Variants in ANKRD44 observed in about 807,000 individuals in gnomAD.
ANKRD44 encodes the protein serine/threonine-protein phosphatase 6 regulatory ankyrin repeat subunit B.
Under a neutral mutation model 116.0 loss-of-function variants are expected in ANKRD44, and 35 were observed. That is an observed-to-expected ratio of 0.30 (90% CI 0.23 to 0.40). The LOEUF is 0.40. Among genes scored for constraint, ANKRD44 ranks in the 10% least tolerant of loss-of-function variants. ANKRD44 has a pLI of 1.00. For missense variants in ANKRD44, 1,014 were observed against 1,242.6 expected, an observed-to-expected ratio of 0.82 and a Z score of 2.77; for synonymous variants, 435 against 461.8, an observed-to-expected ratio of 0.94 and a Z score of 0.74.
intron 16 of ANKRD44, among the ~76,000 whole-genome samples, chr2:197,030,449 T>C (rs955207033): frequency 5.3e-5 from 8 of 152,052 alleles, no homozygotes; most frequent in Admixed American, 4.6e-4. Flanking sequence ...ACATTCATTT[T>C]TTTGGCCGTG....
chr2:196,990,496 T>A, intron 27 of ANKRD44: 1 of 1,225,556 alleles, frequency 8.2e-7, no homozygotes, highest in Non-Finnish European at 1.0e-6. Context: ...AAAACAAAAC[T>A]GGGGCCATCT....
rs114066617 is a variant in ANKRD44 at position 197,300,276 on chromosome 2, C to G, written c.27+10302G>C. Among the ~76,000 whole-genome samples, 1,253 of 152,272 alleles carry G rather than the reference C, an allele frequency of 8.2e-3. 12 individuals carry two copies. Among genetic ancestry groups the G allele is most frequent in the African/African-American group, 0.028 (1,177 of 41,536 alleles). ...ATATTTCCTTACCTCTTCTTCCTAC[C>G]TAACATGAACCCTATGACTCAGTAA... is the stretch of plus-strand genomic sequence containing the variant. On this transcript the variant is annotated intron_variant, in intron 1 of 27. Coordinates refer to ENST00000282272, the MANE Select transcript of ANKRD44 (RefSeq NM_001195144.2).
At chr2:197,187,771 G>A (rs2080721217) in intron 1 of ANKRD44, among the ~76,000 whole-genome samples, 2 of 152,140 alleles carry the variant, frequency 1.3e-5, no homozygotes, top group African/African-American at 4.8e-5. Flanking sequence ...GGTAAGCCAG[G>A]AAGAGAGGCC....
chr2:197,307,314 G>A (rs918602573), intron 1 of ANKRD44, among the ~76,000 whole-genome samples: 1 of 152,046 alleles, frequency 6.6e-6, no homozygotes, highest in African/African-American at 2.4e-5. Flanking sequence ...GTTACACAGG[G>A]TAACCAGTTC....
At chr2:197,079,121 A>T (rs1336912631) in intron 15 of ANKRD44, among the ~76,000 whole-genome samples, 2 of 152,154 alleles carry the variant, frequency 1.3e-5, no homozygotes, top group Non-Finnish European at 2.9e-5. Context: ...AACATCTGTT[A>T]TCAAGATTAC....
chr2:197,009,224 T>C (rs2076253651), intron 18 of ANKRD44, among the ~76,000 whole-genome samples, 193 bp from the exon 19 acceptor site: 1 of 152,156 alleles, frequency 6.6e-6, no homozygotes, highest in Non-Finnish European at 1.5e-5. Flanking sequence ...CCTGAGTAGC[T>C]GGGATTACAG....
chr2:197,278,276 G>GAA (rs1488638010), intron 1 of ANKRD44, among the ~76,000 whole-genome samples: 1 of 148,304 alleles, frequency 6.7e-6, no homozygotes, highest in Non-Finnish European at 1.5e-5. Context: ...ACAATGAATA[G>GAA]AAATAAAGAT....
chr2:196,982,193 A>G (rs1325254292), downstream of ANKRD44, among the ~76,000 whole-genome samples: 3 of 149,348 alleles, frequency 2.0e-5, no homozygotes, highest in African/African-American at 7.4e-5. Flanking sequence ...GTAGGCTTGC[A>G]ATAAGGACAT....
chr2:197,222,048 C>T (rs2081596455), intron 1 of ANKRD44, among the ~76,000 whole-genome samples: 1 of 152,188 alleles, frequency 6.6e-6, no homozygotes, highest in Non-Finnish European at 1.5e-5. Context: ...GACTCAAATA[C>T]TCTCTTCTGT....
intron 1 of ANKRD44, among the ~76,000 whole-genome samples, chr2:197,228,648 A>G (rs1194847072): frequency 6.6e-6 from 1 of 152,206 alleles, no homozygotes; most frequent in African/African-American, 2.4e-5. Flanking sequence ...TGTGTCCTAC[A>G]ACTAAATTAG....
chr2:197,010,972 A>C (rs779725920), intron 18 of ANKRD44, among the ~76,000 whole-genome samples: 3 of 152,248 alleles, frequency 2.0e-5, no homozygotes, highest in Non-Finnish European at 2.9e-5. Flanking sequence ...GAACTACAGG[A>C]ATAATGTGCA....
intron 1 of ANKRD44, among the ~76,000 whole-genome samples, chr2:197,273,409 AT>A (rs1420183200): frequency 6.6e-6 from 1 of 152,226 alleles, no homozygotes; most frequent in Non-Finnish European, 1.5e-5. Flanking sequence ...GGAAATATCC[AT>A]TTTCACATAG....
chr2:197,151,957 T>C (rs1426172947), intron 2 of ANKRD44, among the ~76,000 whole-genome samples: 1 of 151,422 alleles, frequency 6.6e-6, no homozygotes, highest in Non-Finnish European at 1.5e-5. Context: ...AAAAAAAAAA[T>C]CTCTTCTGAA....
chr2:197,050,429 T>A (rs926229186), intron 16 of ANKRD44, among the ~76,000 whole-genome samples: 3 of 143,306 alleles, frequency 2.1e-5, no homozygotes, highest in Non-Finnish European at 3.1e-5. Flanking sequence ...TTGTTTTTGC[T>A]TTTTTTTTTT....
At chr2:197,274,958 C>T (rs1053970376) in intron 1 of ANKRD44, among the ~76,000 whole-genome samples, 7 of 151,998 alleles carry the variant, frequency 4.6e-5, no homozygotes, top group African/African-American at 1.7e-4. Context: ...AAAAATTAGC[C>T]AGGTGTGGTG....
At chr2:197,057,202 T>C (rs1161707365) in intron 16 of ANKRD44, among the ~76,000 whole-genome samples, 1 of 152,242 alleles carries the variant, frequency 6.6e-6, no homozygotes, top group Non-Finnish European at 1.5e-5. Flanking sequence ...TAAGAATTTA[T>C]CACAAATAGG....
At chr2:197,097,388 G>C (rs1243209796) in intron 10 of ANKRD44, among the ~76,000 whole-genome samples, 2 of 152,136 alleles carry the variant, frequency 1.3e-5, no homozygotes, top group African/African-American at 4.8e-5. Context: ...TTAACACTGA[G>C]CATTTATTAT....
chr2:197,122,570 T>C, intron 7 of ANKRD44, 80 bp downstream of exon 7: 1 of 1,507,908 alleles, frequency 6.6e-7, no homozygotes, highest in African/African-American at 1.4e-5. Context: ...TGAATTAAAG[T>C]GCAAACAGGA....
At chr2:197,233,108 A>G (rs931402609) in intron 1 of ANKRD44, among the ~76,000 whole-genome samples, 4 of 152,216 alleles carry the variant, frequency 2.6e-5, no homozygotes, top group Non-Finnish European at 5.9e-5. Context: ...GGGTAGGAAG[A>G]GAACTAAATT....
Sources: allele counts gnomAD v4.1 joint callset (sites outside exome capture counted in the v4.1 genomes callset), GRCh38; gene constraint gnomAD v4.1.1; transcripts MANE v1.5; gene names NCBI Gene and HGNC (gene_info 2026-07-23, HGNC 2026-07-21).